Variants in TASP1 observed in about 807,000 individuals in gnomAD.
The protein encoded by TASP1 is taspase 1.
A neutral mutation model predicts 56.6 loss-of-function variants in TASP1; 16 were observed. The ratio of observed to expected loss-of-function variants is 0.28; its 90% CI spans 0.19 to 0.43. The LOEUF is 0.43. Ranked by LOEUF, TASP1 falls within the 20% of genes least tolerant of loss-of-function variation. The pLI is 1.00. For missense variants in TASP1, 393 were observed against 511.6 expected, an observed-to-expected ratio of 0.77 and a Z score of 2.24; for synonymous variants, 179 against 184.2, an observed-to-expected ratio of 0.97 and a Z score of 0.23.
chr20:13,578,665 C>T (rs1360726115), intron 6 of TASP1, among the ~76,000 whole-genome samples: 1 of 152,122 alleles, frequency 6.6e-6, no homozygotes, highest in East Asian at 1.9e-4. Context: ...AATGTTCTTG[C>T]ACTAGGTAGT....
At chr20:13,252,679 C>T in the TASP1 span, among the ~76,000 whole-genome samples, 1 of 152,108 alleles carries the variant, frequency 6.6e-6, no homozygotes, top group African/African-American at 2.4e-5. Context: ...CGCTTGAACA[C>T]GGGAGACAGA....
In TASP1 at chr20:13,580,877, A is replaced by C; in HGVS notation, c.488+20T>G. ...AAATGCACTAAAGACAGGGAAAGTC[A>C]GGAAGAACAAAGTGGTTACCAGGGA... On this transcript the variant is annotated intron_variant, in intron 6 of 13. Coordinates refer to ENST00000337743, the MANE Select transcript of TASP1 (RefSeq NM_017714.3). 1 of 1,612,860 alleles carries C rather than the reference A, an allele frequency of 6.2e-7. No homozygotes were observed. Among genetic ancestry groups the C allele is most frequent in the Non-Finnish European group, 8.5e-7 (1 of 1,179,058 alleles).
the TASP1 span, among the ~76,000 whole-genome samples, chr20:13,267,954 A>C: frequency 6.6e-6 from 1 of 152,242 alleles, no homozygotes; most frequent in Non-Finnish European, 1.5e-5. Context: ...GAAATTCTCC[A>C]TGACAATCTA....
intron 8 of TASP1, among the ~76,000 whole-genome samples, chr20:13,537,699 C>A (rs574941622): frequency 1.3e-5 from 2 of 152,060 alleles, no homozygotes; most frequent in African/African-American, 4.8e-5. Context: ...TAAAAAGCAA[C>A]TGTATAAAAC....
intron 2 of TASP1, among the ~76,000 whole-genome samples, chr20:13,626,252 C>T (rs7272156): frequency 6.6e-6 from 1 of 151,960 alleles, no homozygotes; most frequent in Non-Finnish European, 1.5e-5. Flanking sequence ...TGGAGAAACC[C>T]CATCTCTCCT....
At chr20:13,517,622 T>G (rs2044589260) in intron 10 of TASP1, among the ~76,000 whole-genome samples, 1 of 152,034 alleles carries the variant, frequency 6.6e-6, no homozygotes, top group African/African-American at 2.4e-5. Flanking sequence ...AAAAATCTAC[T>G]CATTTAAAAT....
chr20:13,393,627 A>G lies in TASP1; in HGVS notation c.1171-3175T>C, dbSNP rs1054039684. The stretch of plus-strand genomic sequence containing the variant: ...CTGGTGTGACAACGAATTTGGCTAC[A>G]GCAATATGGTGGTGGACCTCATGGC... On this transcript the variant is annotated intron_variant, in intron 13 of 13. Coordinates refer to ENST00000337743, the MANE Select transcript of TASP1 (RefSeq NM_017714.3). The G allele has an allele frequency of 1.8e-5, 22 of 1,254,602 alleles. No homozygotes were observed. The Admixed American group carries it at 1.9e-4, about 11-fold the overall frequency. 77.7% of individuals were successfully genotyped at this position (1,254,602 alleles called of 1,614,324 possible). A position where few individuals can be genotyped will look rare whatever the true frequency, so the allele number is the denominator to read the frequency against.
the TASP1 span, among the ~76,000 whole-genome samples, chr20:13,140,629 A>G: frequency 6.6e-6 from 1 of 151,058 alleles, no homozygotes; most frequent in African/African-American, 2.4e-5. Flanking sequence ...TTCATTCTAC[A>G]GCATATCTAC....
chr20:13,179,807 C>T, the TASP1 span, among the ~76,000 whole-genome samples: 9 of 152,278 alleles, frequency 5.9e-5, no homozygotes, highest in South Asian at 2.1e-4. Flanking sequence ...GAGCTGTCCA[C>T]TCTGGAGAGT....
chr20:13,307,934 A>G, the TASP1 span, among the ~76,000 whole-genome samples: 1 of 152,204 alleles, frequency 6.6e-6, no homozygotes, highest in African/African-American at 2.4e-5. Flanking sequence ...ACACATTTCC[A>G]TGGGGAGTGG....
At chr20:13,442,181 A>C (rs536637245) in intron 11 of TASP1, among the ~76,000 whole-genome samples, 10 of 152,038 alleles carry the variant, frequency 6.6e-5, no homozygotes, top group African/African-American at 2.2e-4. Context: ...CCTTTTATAC[A>C]GATCCAGACT....
the TASP1 span, among the ~76,000 whole-genome samples, chr20:13,292,972 A>G: frequency 6.6e-6 from 1 of 151,964 alleles, no homozygotes; most frequent in Non-Finnish European, 1.5e-5. Flanking sequence ...TGAGGCGGGC[A>G]GATCACGAGG....
chr20:13,279,690 G>A, the TASP1 span: 49 of 1,614,006 alleles, frequency 3.0e-5, no homozygotes, highest in East Asian at 2.5e-4. Context: ...ATCAGCATCC[G>A]GAGAATAAGC....
At chr20:13,278,712 G>A in the TASP1 span, among the ~76,000 whole-genome samples, 1 of 152,176 alleles carries the variant, frequency 6.6e-6, no homozygotes. Context: ...GATTGCTGTG[G>A]GTCAGGAATT....
At chr20:13,198,790 T>TTTTC in the TASP1 span, among the ~76,000 whole-genome samples, 1 of 148,954 alleles carries the variant, frequency 6.7e-6, no homozygotes, top group African/African-American at 2.5e-5. Context: ...CTTTCTTTCT[T>TTTTC]TGTCTTTCTT....
chr20:13,335,087 G>C, the TASP1 span, among the ~76,000 whole-genome samples: 1 of 152,164 alleles, frequency 6.6e-6, no homozygotes, highest in Non-Finnish European at 1.5e-5. Context: ...AAAGACATTT[G>C]TTGAAAGTCT....
chr20:13,252,932 C>T, the TASP1 span, among the ~76,000 whole-genome samples: 1 of 152,142 alleles, frequency 6.6e-6, no homozygotes, highest in South Asian at 2.1e-4. Flanking sequence ...GGTCCCCAGC[C>T]CCCCCTCTCA....
At chr20:13,570,527 C>A (rs969222309) in intron 6 of TASP1, among the ~76,000 whole-genome samples, 33 of 151,990 alleles carry the variant, frequency 2.2e-4, no homozygotes, top group Non-Finnish European at 4.1e-4. Context: ...ACTGGCAAAA[C>A]AAAATCTAAG....
At chr20:13,302,658 G>A in the TASP1 span, among the ~76,000 whole-genome samples, 4 of 152,154 alleles carry the variant, frequency 2.6e-5, no homozygotes, top group African/African-American at 7.2e-5. Context: ...CTGCAGTCTC[G>A]TTGCAGTCCT....
Sources: allele counts gnomAD v4.1 joint callset (sites outside exome capture counted in the v4.1 genomes callset), GRCh38; gene constraint gnomAD v4.1.1; transcripts MANE v1.5; gene names NCBI Gene and HGNC (gene_info 2026-07-23, HGNC 2026-07-21).